The following CLYBL variants were observed in gnomAD, a reference collection of about 807,000 sequenced individuals.
CLYBL encodes citramalyl-CoA lyase, mitochondrial.
In CLYBL, 31 loss-of-function variants were observed where a neutral mutation model predicts 38.9. That is an observed-to-expected ratio of 0.80 (90% CI 0.60 to 1.08). CLYBL has a LOEUF of 1.08. Ranked by LOEUF, CLYBL falls within the 50% of genes least tolerant of loss-of-function variation. The probability of loss-of-function intolerance (pLI) is 0.00; values close to 1 mark genes in which losing one functional copy is unlikely to be tolerated. For synonymous variants in CLYBL, 171 were observed against 158.6 expected (o/e 1.08, Z -0.59); for missense variants, 434 against 411.6 (o/e 1.05, Z -0.47).
chr13:99,630,676 C>T (rs930186141), intron 1 of CLYBL, among the ~76,000 whole-genome samples: 3 of 152,192 alleles, frequency 2.0e-5, no homozygotes, highest in Non-Finnish European at 4.4e-5. Context: ...GCTGAGCCCT[C>T]TTGTTCCCAT....
intron 2 of CLYBL, among the ~76,000 whole-genome samples, chr13:99,810,843 G>A (rs1192183296): frequency 6.6e-6 from 1 of 151,998 alleles, no homozygotes; most frequent in East Asian, 1.9e-4. Flanking sequence ...CCCTCCAAAC[G>A]TAGCCCTCCT....
intron 2 of CLYBL, among the ~76,000 whole-genome samples, chr13:99,778,973 C>T (rs1167663969): frequency 6.6e-6 from 1 of 152,166 alleles, no homozygotes; most frequent in Non-Finnish European, 1.5e-5. Context: ...AGTACCTACT[C>T]AACTAGTTGC....
intron 7 of CLYBL, among the ~76,000 whole-genome samples, chr13:99,887,583 G>A (rs1310409738): frequency 6.6e-6 from 1 of 152,022 alleles, no homozygotes; most frequent in Admixed American, 6.6e-5. Flanking sequence ...ACATAGGGAG[G>A]CCTCGTCTCT....
intron 1 of CLYBL, among the ~76,000 whole-genome samples, chr13:99,719,296 C>A (rs779196082): frequency 6.6e-6 from 1 of 151,856 alleles, no homozygotes; most frequent in African/African-American, 2.4e-5. Context: ...AGGCAGGCAC[C>A]ACCAAGCCTG....
intron 2 of CLYBL, among the ~76,000 whole-genome samples, chr13:99,782,168 C>G (rs9513662): frequency 1.3e-5 from 2 of 151,860 alleles, no homozygotes; most frequent in Admixed American, 1.3e-4. Flanking sequence ...TTCCCTATAG[C>G]GAAAGTTGGT....
At chr13:99,624,413 G>A (rs934214682) in intron 1 of CLYBL, among the ~76,000 whole-genome samples, 5 of 152,074 alleles carry the variant, frequency 3.3e-5, no homozygotes, top group African/African-American at 4.8e-5. Flanking sequence ...CATGAGTGTG[G>A]GTGTATGTAT....
chr13:99,901,700 C>T (rs1480336111), downstream of CLYBL, among the ~76,000 whole-genome samples: 1 of 150,098 alleles, frequency 6.7e-6, no homozygotes, highest in East Asian at 2.0e-4. Context: ...TGCTCTGTCA[C>T]CCAGGCTGGA....
At chr13:99,743,886 GC>G (rs1231338851) in intron 1 of CLYBL, among the ~76,000 whole-genome samples, 1 of 151,602 alleles carries the variant, frequency 6.6e-6, no homozygotes, top group Non-Finnish European at 1.5e-5. Flanking sequence ...CTGCAGTCTA[GC>G]GGTATTGCGG....
intron 1 of CLYBL, among the ~76,000 whole-genome samples, chr13:99,620,842 GAAAGAAAGAAA>G (rs2046784752): frequency 4.8e-5 from 3 of 63,106 alleles, no homozygotes; most frequent in Admixed American, 3.1e-4. Context: ...GAAAGAAAAA[GAAAGAAAGAAA>G]AAAGAAAGAA....
chr13:99,742,143 C>T (rs1471285224), intron 1 of CLYBL, among the ~76,000 whole-genome samples: 2 of 152,188 alleles, frequency 1.3e-5, no homozygotes, highest in African/African-American at 2.4e-5. Context: ...TACCTTGGAA[C>T]GTGTTTACTG....
chr13:99,646,964 G>C (rs1594100161), intron 1 of CLYBL, among the ~76,000 whole-genome samples: 2 of 152,140 alleles, frequency 1.3e-5, no homozygotes, highest in East Asian at 3.8e-4. Context: ...AGGGAGAGAG[G>C]TGGGCAGGGC....
At chr13:99,896,075 C>A (rs7322872), downstream of CLYBL, 1 of 150,638 alleles carries the variant, frequency 6.6e-6, no homozygotes, top group Non-Finnish European at 1.5e-5. Flanking sequence ...CCTCGTCGCC[C>A]GCGCCCCCGG....
intron 4 of CLYBL, among the ~76,000 whole-genome samples, chr13:99,864,367 T>C (rs916112573): frequency 6.6e-6 from 1 of 152,172 alleles, no homozygotes; most frequent in Non-Finnish European, 1.5e-5. Flanking sequence ...CCCTCCGGAG[T>C]TGCAGGTTTT....
intron 2 of CLYBL, among the ~76,000 whole-genome samples, chr13:99,793,456 C>T (rs1302504744): frequency 1.3e-5 from 2 of 152,054 alleles, no homozygotes; most frequent in African/African-American, 2.4e-5. Flanking sequence ...CTTTTTGATC[C>T]TTAAAGGTTC....
chr13:99,682,332 T>C (rs944759381), intron 1 of CLYBL, among the ~76,000 whole-genome samples: 6 of 151,902 alleles, frequency 3.9e-5, no homozygotes. Flanking sequence ...TTAGTAGAGA[T>C]GGGGTTCCAA....
intron 6 of CLYBL, 64 bp downstream of exon 6, chr13:99,866,471 G>T (rs2051747729): frequency 1.3e-6 from 2 of 1,504,300 alleles, no homozygotes; most frequent in Non-Finnish European, 1.8e-6. Flanking sequence ...ATAGAAATTT[G>T]ACCCGAAAAC....
chr13:99,742,369 T>G (rs1245887626), intron 1 of CLYBL, among the ~76,000 whole-genome samples: 1 of 152,252 alleles, frequency 6.6e-6, no homozygotes, highest in Non-Finnish European at 1.5e-5. Context: ...GAAATGAGGA[T>G]AAAAGTTACA....
intron 7 of CLYBL, among the ~76,000 whole-genome samples, chr13:99,871,277 C>T (rs980682564): frequency 6.6e-6 from 1 of 152,134 alleles, no homozygotes; most frequent in Admixed American, 6.5e-5. Context: ...TCTCAAGTCC[C>T]TCATTTTATT....
chr13:99,905,934 C>G (rs1380063516), intron 9 of CLYBL, among the ~76,000 whole-genome samples: 1 of 152,006 alleles, frequency 6.6e-6, no homozygotes, highest in Non-Finnish European at 1.5e-5. Flanking sequence ...CCACCACTCC[C>G]AGATGATTTT....
Sources: gnomAD v4.1 joint callset for allele counts (sites outside exome capture counted in the v4.1 genomes callset) on GRCh38, gnomAD v4.1.1 for gene constraint, MANE v1.5 for transcripts, NCBI Gene and HGNC (gene_info 2026-07-23, HGNC 2026-07-21) for gene names.